Variants in CNTN5 observed in about 807,000 individuals in gnomAD.
The protein encoded by CNTN5 is contactin-5.
Under a neutral mutation model 129.1 loss-of-function variants are expected in CNTN5, and 77 were observed. The observed-to-expected ratio is 0.60, with a 90% CI of 0.50 to 0.72. The LOEUF (loss-of-function observed/expected upper bound fraction) is 0.72, where lower values mean the gene tolerates loss of function less well. Among genes scored for constraint, CNTN5 ranks in the 30% least tolerant of loss-of-function variants. The pLI is 0.00. For synonymous variants in CNTN5, 509 were observed against 465.6 expected (o/e 1.09, Z -1.20); for missense variants, 1,478 against 1,328.8 (o/e 1.11, Z -1.75).
intron 9 of CNTN5, among the ~76,000 whole-genome samples, chr11:100,030,290 G>A (rs1311250420): frequency 2.0e-5 from 3 of 152,132 alleles, no homozygotes; most frequent in Admixed American, 2.0e-4. Flanking sequence ...GAGGCATGGA[G>A]GATTGTCTGA....
intron 10 of CNTN5, among the ~76,000 whole-genome samples, chr11:100,068,647 T>G (rs1477860005): frequency 6.6e-6 from 1 of 152,168 alleles, no homozygotes; most frequent in Admixed American, 6.6e-5. Context: ...GACACATAAC[T>G]ACAAAGAGAT....
At chr11:100,112,186 T>C (rs1945678079) in intron 13 of CNTN5, among the ~76,000 whole-genome samples, 1 of 152,172 alleles carries the variant, frequency 6.6e-6, no homozygotes, top group South Asian at 2.1e-4. Context: ...TGCTTTACCA[T>C]GTTCTTGTCC....
intron 1 of CNTN5, among the ~76,000 whole-genome samples, chr11:99,079,035 G>T (rs1352935423): frequency 2.0e-5 from 3 of 152,068 alleles, no homozygotes; most frequent in Non-Finnish European, 4.4e-5. Context: ...TTGTATGCCT[G>T]TATTAAAATA....
chr11:99,661,855 A>T (rs888075230), intron 3 of CNTN5, among the ~76,000 whole-genome samples: 3 of 152,168 alleles, frequency 2.0e-5, no homozygotes, highest in Non-Finnish European at 4.4e-5. Context: ...ACGATACAAT[A>T]CTTAAATGTT....
intron 13 of CNTN5, among the ~76,000 whole-genome samples, chr11:100,156,544 T>C (rs1947249822): frequency 6.6e-6 from 1 of 152,110 alleles, no homozygotes; most frequent in Admixed American, 6.6e-5. Context: ...AGTCCCTCTT[T>C]TTCTATTGTT....
chr11:99,879,625 T>A (rs1591356475), intron 6 of CNTN5, among the ~76,000 whole-genome samples: 1 of 152,210 alleles, frequency 6.6e-6, no homozygotes. Context: ...ATTTTGTTTT[T>A]AACTGTGGCT....
chr11:99,393,490 GA>G (rs1229227306), intron 2 of CNTN5, among the ~76,000 whole-genome samples: 2 of 151,756 alleles, frequency 1.3e-5, no homozygotes, highest in Admixed American at 1.3e-4. Flanking sequence ...TTCAGATGGA[GA>G]AATCAAGGCA....
chr11:99,868,232 CA>C (rs1331332971), intron 6 of CNTN5, among the ~76,000 whole-genome samples: 1 of 147,810 alleles, frequency 6.8e-6, no homozygotes, highest in Non-Finnish European at 1.5e-5. Context: ...AAAAAAAAAA[CA>C]AAAAATTGTA....
intron 3 of CNTN5, among the ~76,000 whole-genome samples, chr11:99,752,593 A>G (rs968441291): frequency 3.9e-5 from 6 of 152,204 alleles, no homozygotes; most frequent in African/African-American, 1.4e-4. Context: ...CTTACTAACT[A>G]TATTCACTGT....
intron 15 of CNTN5, among the ~76,000 whole-genome samples, chr11:100,211,825 C>T (rs1423070980): frequency 2.0e-5 from 3 of 152,044 alleles, no homozygotes; most frequent in African/African-American, 7.2e-5. Context: ...ATCATTTGAA[C>T]ATATTAAAAC....
intron 3 of CNTN5, among the ~76,000 whole-genome samples, chr11:99,651,453 G>T (rs759231351): frequency 9.2e-5 from 14 of 151,862 alleles, no homozygotes; most frequent in Non-Finnish European, 1.9e-4. Flanking sequence ...TAGGCAATTT[G>T]ATCCAAAGCA....
At position 99,445,858 on chromosome 11, in the gene CNTN5, C is replaced by G. The variant is rs373998800; in HGVS notation, c.-70-110287C>G. ...CAGCACTTTGGGAGGCCGAGGCAGG[C>G]GGATCACCTGAGGTCAGGAGTTCGA... On this transcript the variant is annotated intron_variant, in intron 2 of 24. Coordinates refer to ENST00000524871, the MANE Select transcript of CNTN5 (RefSeq NM_014361.4). Among the ~76,000 whole-genome samples the G allele has an allele frequency of 7.1e-3, 1,075 of 151,930 alleles. 21 individuals are homozygous for G. The highest frequency in any genetic ancestry group is 0.024 in the African/African-American group (1,004 of 41,452).
chr11:99,587,219 A>G (rs763921635), intron 3 of CNTN5, among the ~76,000 whole-genome samples: 1 of 152,212 alleles, frequency 6.6e-6, no homozygotes, highest in Non-Finnish European at 1.5e-5. Flanking sequence ...AGAAGCGGCT[A>G]TAGAAGCTGC....
chr11:99,756,510 A>G (rs914603622), intron 3 of CNTN5, among the ~76,000 whole-genome samples: 1 of 152,170 alleles, frequency 6.6e-6, no homozygotes, highest in Non-Finnish European at 1.5e-5. Context: ...AAATCGAAGC[A>G]CAATGAGTAA....
At chr11:99,600,138 T>G (rs1284992354) in intron 3 of CNTN5, among the ~76,000 whole-genome samples, 2 of 152,176 alleles carry the variant, frequency 1.3e-5, no homozygotes, top group Non-Finnish European at 1.5e-5. Flanking sequence ...AACAAAAATG[T>G]GCTGTGATGG....
intron 15 of CNTN5, among the ~76,000 whole-genome samples, chr11:100,195,325 A>ATTGGTATTGT (rs1358722732): frequency 6.6e-6 from 1 of 152,006 alleles, no homozygotes; most frequent in Non-Finnish European, 1.5e-5. Context: ...ATACCAATAT[A>ATTGGTATTGT]AAAATGAATG....
At chr11:99,255,487 A>T (rs1862332807) in intron 1 of CNTN5, among the ~76,000 whole-genome samples, 1 of 150,166 alleles carries the variant, frequency 6.7e-6, no homozygotes, top group African/African-American at 2.5e-5. Flanking sequence ...ACACTAATAT[A>T]ATTAATAAAT....
intron 9 of CNTN5, among the ~76,000 whole-genome samples, chr11:100,012,772 C>A (rs1427987627): frequency 6.6e-6 from 1 of 152,176 alleles, no homozygotes; most frequent in Non-Finnish European, 1.5e-5. Flanking sequence ...TGAAGCATCT[C>A]AGTGAGTGAG....
At chr11:99,851,998 T>C (rs956739581) in intron 6 of CNTN5, among the ~76,000 whole-genome samples, 2 of 152,194 alleles carry the variant, frequency 1.3e-5, no homozygotes, top group Admixed American at 1.3e-4. Flanking sequence ...TTTATTTCAT[T>C]AGTCTCTGAG....
Sources: gnomAD v4.1 joint callset for allele counts (sites outside exome capture counted in the v4.1 genomes callset) on GRCh38, gnomAD v4.1.1 for gene constraint, MANE v1.5 for transcripts, NCBI Gene and HGNC (gene_info 2026-07-23, HGNC 2026-07-21) for gene names.